RIPK1: variants seen among roughly 807,000 people sequenced by gnomAD.
RIPK1 encodes the protein receptor-interacting serine/threonine-protein kinase 1.
Under a neutral mutation model 62.4 loss-of-function variants are expected in RIPK1, and 27 were observed. The ratio of observed to expected loss-of-function variants is 0.43; its 90% confidence interval spans 0.32 to 0.60. The LOEUF is 0.60. Ranked by LOEUF, RIPK1 falls within the 20% of genes least tolerant of loss-of-function variation. RIPK1 has a pLI of 0.07. For synonymous variants in RIPK1, 287 were observed against 303.2 expected (o/e 0.95, Z 0.55); for missense variants, 735 against 831.0 (o/e 0.88, Z 1.42).
intron 4 of RIPK1, among the ~76,000 whole-genome samples, chr6:3,082,651 G>T (rs1759454882): frequency 6.6e-6 from 1 of 152,164 alleles, no homozygotes; most frequent in Non-Finnish European, 1.5e-5. Context: ...GCCATTTGGG[G>T]AAATAGAAGG....
rs748860709 is a variant in RIPK1 at position 3,089,674 on chromosome 6, ATGCTC to A, written c.915+18_915+22del. The A allele has an allele frequency of 7.6e-7, 1 of 1,322,114 alleles. No homozygotes were observed. The highest frequency in any genetic ancestry group is 2.0e-5 in the Admixed American group (1 of 50,750). 81.9% of individuals were successfully genotyped at this position (1,322,114 alleles called of 1,614,324 possible). A position where few individuals can be genotyped will look rare whatever the true frequency, so the allele number is the denominator to read the frequency against. The stretch of plus-strand genomic sequence containing the variant: ...AGTTTAAAGGTAGGCAATATAGCAG[ATGCTC>A]AAAATATTAACATAGCAAAATATAT... On this transcript the variant is annotated intron_variant, in intron 7 of 10. Transcript: ENST00000259808.
rs1438253142 is a variant in RIPK1 at position 3,104,276 on chromosome 6, C to T, written c.967C>T (p.Leu323Phe). 6.2e-7 allele frequency: 1 copy of T among 1,604,582 alleles called. No individual in the cohort carries two copies. Among genetic ancestry groups the T allele is most frequent in the Non-Finnish European group, 8.5e-7 (1 of 1,172,210 alleles). ...AVVKRMQSLQ[L>F]DCVAVPSSRS... ...TGTGAAGAGAATGCAGTCTCTTCAA[C>T]TTGATTGTGTGGCAGTACCTTCAAG... The change falls in exon 8 of 11, where the codon CTT becomes TTT. Residue 323 changes from leucine (L) to phenylalanine (F), a missense_variant. Physicochemically the swap from Leu to Phe is conservative, Grantham distance 22. This residue lies in a region of RIPK1 where 671 missense variants were observed against 726.2 expected (regional missense o/e 0.92). Transcript: ENST00000259808.
At chr6:3,074,838 C>T (rs1581382179) in intron 1 of RIPK1, among the ~76,000 whole-genome samples, 3 of 152,128 alleles carry the variant, frequency 2.0e-5, no homozygotes, top group Admixed American at 1.3e-4. Flanking sequence ...CGTGCCACCA[C>T]GCCTGGCTGA....
intron 7 of RIPK1, among the ~76,000 whole-genome samples, chr6:3,090,751 A>G (rs58327252): frequency 0.055 from 7,848 of 142,760 alleles, 351 homozygotes; most frequent in African/African-American, 0.2. Flanking sequence ...GCTGCACCTA[A>G]TAACCGCAGC....
At chr6:3,071,636 GA>G (rs1287745614) in intron 1 of RIPK1, among the ~76,000 whole-genome samples, 1 of 152,078 alleles carries the variant, frequency 6.6e-6, no homozygotes, top group Non-Finnish European at 1.5e-5. Flanking sequence ...CTTTCATGTG[GA>G]AAAAAGAGGG....
chr6:3,085,001 C>T (rs1381823814), intron 5 of RIPK1, among the ~76,000 whole-genome samples: 1 of 152,208 alleles, frequency 6.6e-6, no homozygotes, highest in East Asian at 1.9e-4. Context: ...TGGAGCATGC[C>T]ATTGGCCTTG....
At chr6:3,069,100 C>T (rs1313146782) in intron 1 of RIPK1, among the ~76,000 whole-genome samples, 1 of 152,220 alleles carries the variant, frequency 6.6e-6, no homozygotes, top group Non-Finnish European at 1.5e-5. Context: ...GGAGACCTGC[C>T]TTTGGGCCGC....
At chr6:3,093,984 G>GCGCGCCTACCTGCCGCACCT (rs1356238402) in intron 7 of RIPK1, among the ~76,000 whole-genome samples, 7 of 128,106 alleles carry the variant, frequency 5.5e-5, no homozygotes, top group Non-Finnish European at 8.2e-5. Context: ...AGTAACTGCA[G>GCGCGCCTACCTGCCGCACCT]AGCGCCTACC....
chr6:3,083,697 G>A (rs966547053), intron 5 of RIPK1, among the ~76,000 whole-genome samples: 1 of 152,186 alleles, frequency 6.6e-6, no homozygotes, highest in Non-Finnish European at 1.5e-5. Flanking sequence ...GTAGGATAGA[G>A]ACACTCTGCA....
chr6:3,065,980 C>CTT (rs1371958828), upstream of RIPK1, among the ~76,000 whole-genome samples: 2 of 152,188 alleles, frequency 1.3e-5, no homozygotes, highest in African/African-American at 4.8e-5. Context: ...TGGGCAATAA[C>CTT]TTTTTGTCTT....
At chr6:3,089,868 A>G (rs1759934276) in intron 7 of RIPK1, among the ~76,000 whole-genome samples, 1 of 152,280 alleles carries the variant, frequency 6.6e-6, no homozygotes, top group Non-Finnish European at 1.5e-5. Flanking sequence ...GAGAAAACAT[A>G]TATAGCAATA....
In RIPK1 at chr6:3,085,324, A is replaced by G. The variant is rs1363363821; in HGVS notation, c.754A>G (p.Ile252Val). The change falls in exon 6 of 11, where the codon ATC becomes GTC. Residue 252 changes from isoleucine (I) to valine (V), a missense_variant. Physicochemically the swap from Ile to Val is conservative, Grantham distance 29. Around this residue, in one of 2 missense-constraint regions of RIPK1, gnomAD observed 671 missense variants for 726.2 expected, o/e 0.92. Coordinates refer to ENST00000259808, the MANE Select transcript of RIPK1 (RefSeq NM_001354930.2). ...TGGGAACAGGCCAGATGTGGATGAC[A>G]TCACTGAGTACTGCCCAAGAGAAAT... ...KSGNRPDVDD[I>V]TEYCPREIIS... 1 of 1,614,256 alleles carries G rather than the reference A, an allele frequency of 6.2e-7. No homozygotes were observed. Among genetic ancestry groups the G allele is most frequent in the Non-Finnish European group, 8.5e-7 (1 of 1,180,026 alleles).
Position 3,105,771 on chromosome 6 carries a change from A to C in RIPK1, c.1296A>C (p.Thr432=). Residue 432 remains threonine, a synonymous_variant, in exon 9 of 11, where the codon ACA becomes ACC. Transcript: ENST00000259808. The surrounding 1 kb of genome is among the most constrained non-coding windows in gnomAD (Gnocchi z 4.5). Reference sequence around the variant, plus strand: ...GACCTTACGAGAATTTTCAGAATACAGAGGGAAAAGGCACTGCTTATTCCA... The same window carrying C: ...GACCTTACGAGAATTTTCAGAATACCGAGGGAAAAGGCACTGCTTATTCCA... ...QQRPYENFQN[T]EGKGTAYSSA... The C allele has an allele frequency of 6.2e-7, 1 of 1,614,260 alleles. No individual in the cohort carries two copies. The highest frequency in any genetic ancestry group is 8.5e-7 in the Non-Finnish European group (1 of 1,180,048).
rs762078179 is a variant in RIPK1 at position 3,077,932 on chromosome 6, C to T, written c.318C>T (p.Ala106=). The stretch of plus-strand genomic sequence containing the variant: ...GCAACCTGATGCACGTGCTGAAAGC[C>T]GAGGTAGAGAGGGCCCCTCCGCACG... ...EKGNLMHVLK[A]EMSTPLSVKG... Residue 106 remains alanine, a synonymous_variant, in exon 3 of 11, where the codon GCC becomes GCT. Coordinates refer to ENST00000259808, the MANE Select transcript of RIPK1 (RefSeq NM_001354930.2). 6 of 1,613,644 alleles carry T rather than the reference C, an allele frequency of 3.7e-6. No homozygotes were observed. Among genetic ancestry groups the T allele is most frequent in the Non-Finnish European group, 4.2e-6 (5 of 1,179,952 alleles).
intron 5 of RIPK1, 87 bp downstream of exon 5, chr6:3,083,400 TTGAA>T (rs1759522805): frequency 3.6e-6 from 4 of 1,098,388 alleles, no homozygotes; most frequent in Non-Finnish European, 5.2e-6. Flanking sequence ...TAAATTTTTG[TTGAA>T]TGAATGAGTA....
chr6:3,084,089 A>G (rs1010422170), intron 5 of RIPK1, among the ~76,000 whole-genome samples: 1 of 152,106 alleles, frequency 6.6e-6, no homozygotes, highest in Non-Finnish European at 1.5e-5. Context: ...TTCAAGATAT[A>G]TGTATGACTC....
rs1017209812 is a variant in RIPK1 at position 3,113,710 on chromosome 6, A to C, written c.*371A>C. 1 of 169,582 alleles carries C rather than the reference A, an allele frequency of 5.9e-6. No homozygotes were observed. Among genetic ancestry groups the C allele is most frequent in the Non-Finnish European group, 1.3e-5 (1 of 79,648 alleles). The allele number at this position is 169,582 out of a possible 1,614,324, so 10.5% of individuals were successfully genotyped here. A position where few individuals can be genotyped will look rare whatever the true frequency, so the allele number is the denominator to read the frequency against. Reference sequence around the variant, plus strand: ...AAAAATGACTCCTAGTTGTGTTTGGAAAGGGAGAGAAGAGATGTCTGAGGA... The same window carrying C: ...AAAAATGACTCCTAGTTGTGTTTGGCAAGGGAGAGAAGAGATGTCTGAGGA... On this transcript the variant is annotated 3_prime_UTR_variant, in exon 11 of 11. Coordinates refer to ENST00000259808, the MANE Select transcript of RIPK1 (RefSeq NM_001354930.2). This position sits in a 1 kb window ranked among gnomAD's most constrained non-coding sequence, Gnocchi z 5.0.
At chr6:3,068,791 T>G in intron 1 of RIPK1, 130 bp downstream of exon 1, 1 of 397,478 alleles carries the variant, frequency 2.5e-6, no homozygotes, top group Non-Finnish European at 3.4e-6. Flanking sequence ...GTCGGAGTAA[T>G]CCCCAACCCT....
At chr6:3,088,956 G>A (rs1160541138) in intron 6 of RIPK1, 1 of 152,096 alleles carries the variant, frequency 6.6e-6, no homozygotes, top group African/African-American at 2.4e-5. Context: ...AGATATATGA[G>A]GAAAAGAGAA....
Sources: allele counts gnomAD v4.1 joint callset (sites outside exome capture counted in the v4.1 genomes callset), GRCh38; gene constraint gnomAD v4.1.1; regional missense constraint gnomAD v4.1.1; non-coding constraint Gnocchi (gnomAD v3.1); transcripts MANE v1.5; gene names NCBI Gene and HGNC (gene_info 2026-07-23, HGNC 2026-07-21).